Variants in RAB38 observed in about 807,000 individuals in gnomAD.
RAB38 encodes the protein RAB38, member RAS oncogene family, also known as ras-related protein Rab-38.
RAB38 carries 15 observed loss-of-function variants against 18.4 expected under a neutral mutation model. The observed-to-expected ratio is 0.82, with a 90% CI of 0.55 to 1.26. RAB38 has a LOEUF of 1.26. Ranked by LOEUF, RAB38 falls within the 50% of genes most tolerant of loss-of-function variation. The pLI is 0.00. For synonymous variants in RAB38, 101 were observed against 104.4 expected, an observed-to-expected ratio of 0.97 and a Z score of 0.20; for missense variants, 294 against 267.4, an observed-to-expected ratio of 1.10 and a Z score of -0.69.
chr11:88,128,619 T>C (rs751511736), intron 2 of RAB38, among the ~76,000 whole-genome samples: 1 of 152,200 alleles, frequency 6.6e-6, no homozygotes, highest in South Asian at 2.1e-4. Context: ...CTACCTGCCC[T>C]CAGGTTTTTG....
chr11:88,120,779 C>G (rs538481533), intron 2 of RAB38, among the ~76,000 whole-genome samples: 3 of 152,162 alleles, frequency 2.0e-5, no homozygotes, highest in South Asian at 2.1e-4. Context: ...AGCTCTAGAG[C>G]CTTATACCTC....
the RAB38 span, among the ~76,000 whole-genome samples, chr11:88,015,980 A>G: frequency 6.6e-6 from 1 of 152,084 alleles, no homozygotes; most frequent in African/African-American, 2.4e-5. Context: ...CCACCTCCCA[A>G]TGGGGTAGCC....
the RAB38 span, among the ~76,000 whole-genome samples, chr11:87,875,327 AATT>A: frequency 1.3e-5 from 2 of 151,496 alleles, no homozygotes. Context: ...AAATAAAATT[AATT>A]ATAAGTAAAG....
chr11:87,929,662 C>T, the RAB38 span, among the ~76,000 whole-genome samples: 1 of 151,494 alleles, frequency 6.6e-6, no homozygotes, highest in African/African-American at 2.4e-5. Context: ...GTGCTGCACC[C>T]ATTAAGTCGT....
chr11:88,153,965 C>T (rs748066729), intron 1 of RAB38, among the ~76,000 whole-genome samples: 1 of 152,050 alleles, frequency 6.6e-6, no homozygotes, highest in African/African-American at 2.4e-5. Flanking sequence ...TGAAGAATAC[C>T]CCAAATTCCA....
chr11:87,804,088 A>G, the RAB38 span, among the ~76,000 whole-genome samples: 1 of 152,220 alleles, frequency 6.6e-6, no homozygotes, highest in Non-Finnish European at 1.5e-5. Context: ...TGAACCAACT[A>G]GGTTTAACTC....
chr11:88,018,138 A>G, the RAB38 span, among the ~76,000 whole-genome samples: 4 of 152,126 alleles, frequency 2.6e-5, no homozygotes, highest in East Asian at 7.7e-4. Flanking sequence ...CCAGCAGCGT[A>G]AAAACGGAGT....
chr11:87,860,915 C>T, the RAB38 span, among the ~76,000 whole-genome samples: 2 of 151,446 alleles, frequency 1.3e-5, no homozygotes, highest in African/African-American at 2.4e-5. Context: ...TTTATAAGGC[C>T]GAGATATCAG....
At chr11:87,946,788 C>G in the RAB38 span, among the ~76,000 whole-genome samples, 4 of 152,290 alleles carry the variant, frequency 2.6e-5, no homozygotes, top group Non-Finnish European at 5.9e-5. Context: ...TCCAGGCTAT[C>G]ATTGTTGGAC....
At chr11:87,837,607 C>T in the RAB38 span, among the ~76,000 whole-genome samples, 1 of 152,174 alleles carries the variant, frequency 6.6e-6, no homozygotes, top group Non-Finnish European at 1.5e-5. Flanking sequence ...CAGTTTGGTG[C>T]TAGTCAATTA....
At chr11:88,115,569 C>A (rs1159041374) in intron 2 of RAB38, 2 of 152,196 alleles carry the variant, frequency 1.3e-5, no homozygotes, top group Non-Finnish European at 2.9e-5. Context: ...AATTATTTAT[C>A]TCCTCTCTAG....
the RAB38 span, among the ~76,000 whole-genome samples, chr11:87,953,677 G>A: frequency 6.6e-6 from 1 of 152,116 alleles, no homozygotes; most frequent in Non-Finnish European, 1.5e-5. Flanking sequence ...GGTCTACATA[G>A]GGTTCAGTAC....
intron 1 of RAB38, among the ~76,000 whole-genome samples, chr11:88,163,308 A>T (rs958508118): frequency 6.6e-6 from 1 of 152,138 alleles, no homozygotes. Flanking sequence ...AATAACAATT[A>T]ATACTTATTT....
At chr11:87,861,862 C>G in the RAB38 span, among the ~76,000 whole-genome samples, 2 of 151,724 alleles carry the variant, frequency 1.3e-5, no homozygotes, top group Non-Finnish European at 2.9e-5. Context: ...TAACGTACAA[C>G]AGACTGCATT....
intron 1 of RAB38, among the ~76,000 whole-genome samples, chr11:88,174,531 A>G (rs950581212): frequency 5.3e-5 from 8 of 150,588 alleles, no homozygotes; most frequent in African/African-American, 2.4e-5. Flanking sequence ...AGAGAGCCAG[A>G]GAGATAGAAA....
chr11:87,891,377 TAC>T, the RAB38 span, among the ~76,000 whole-genome samples: 1 of 151,868 alleles, frequency 6.6e-6, no homozygotes, highest in Non-Finnish European at 1.5e-5. Flanking sequence ...TATTTATCAT[TAC>T]ACACAGAGGA....
At chr11:88,119,779 C>T (rs1942607049) in intron 2 of RAB38, among the ~76,000 whole-genome samples, 1 of 151,676 alleles carries the variant, frequency 6.6e-6, no homozygotes, top group African/African-American at 2.4e-5. Flanking sequence ...TCAAACAAAA[C>T]ACCAACTGTA....
At chr11:88,033,426 A>G in the RAB38 span, among the ~76,000 whole-genome samples, 2 of 152,188 alleles carry the variant, frequency 1.3e-5, no homozygotes, top group Non-Finnish European at 2.9e-5. Flanking sequence ...TAACATGGTG[A>G]AACACATTGA....
the RAB38 span, among the ~76,000 whole-genome samples, chr11:88,031,166 C>A: frequency 2.0e-5 from 3 of 152,196 alleles, no homozygotes; most frequent in East Asian, 5.8e-4. Flanking sequence ...AGGCCTTTGA[C>A]AAAATTCAAA....
Sources: gnomAD v4.1 joint callset for allele counts (sites outside exome capture counted in the v4.1 genomes callset) on GRCh38, gnomAD v4.1.1 for gene constraint, MANE v1.5 for transcripts, NCBI Gene and HGNC (gene_info 2026-07-23, HGNC 2026-07-21) for gene names.